Variants in SASH1 observed in about 807,000 individuals in gnomAD.
The protein encoded by SASH1 is SAM and SH3 domain containing 1.
Under a neutral mutation model 125.2 loss-of-function variants are expected in SASH1, and 44 were observed. The ratio of observed to expected loss-of-function variants is 0.35; its 90% CI spans 0.28 to 0.45. SASH1 has a LOEUF of 0.45. Among genes scored for constraint, SASH1 ranks in the 20% least tolerant of loss-of-function variants. The probability of loss-of-function intolerance (pLI) is 1.00; values close to 1 mark genes in which losing one functional copy is unlikely to be tolerated. For missense variants in SASH1, 1,426 were observed against 1,614.5 expected (o/e 0.88, Z 2.00); for synonymous variants, 639 against 649.1 (o/e 0.98, Z 0.24).
upstream of SASH1, among the ~76,000 whole-genome samples, chr6:148,341,385 C>T (rs1283341911): frequency 2.8e-5 from 4 of 140,894 alleles, no homozygotes; most frequent in African/African-American, 1.1e-4. Flanking sequence ...GTTGACCAGG[C>T]TGTTCTCAAA....
chr6:148,234,685 G>A, the SASH1 span, among the ~76,000 whole-genome samples: 3,635 of 152,148 alleles, frequency 0.024, 149 homozygotes, highest in African/African-American at 0.083. Flanking sequence ...AAATTAACCA[G>A]GCGTGGTGGC....
Position 148,495,963 on chromosome 6 carries a change from G to T in SASH1, c.729+8248G>T, listed in dbSNP as rs1779292270. Among the ~76,000 whole-genome samples, 1 of 151,756 alleles carries T rather than the reference G, an allele frequency of 6.6e-6. No individual in the cohort carries two copies. Among genetic ancestry groups the T allele is most frequent in the Non-Finnish European group, 1.5e-5 (1 of 68,004 alleles). ...CGATTCTCCTGCCTCAGCCTCCAGA[G>T]TAGCTGGGATTACAGGCGCACGCCA... On this transcript the variant is annotated intron_variant, in intron 8 of 19. Transcript: ENST00000367467. This position sits in a 1 kb window ranked among gnomAD's most constrained non-coding sequence, Gnocchi z 4.0.
At chr6:148,197,643 G>A in the SASH1 span, among the ~76,000 whole-genome samples, 2 of 152,148 alleles carry the variant, frequency 1.3e-5, no homozygotes, top group African/African-American at 2.4e-5. Flanking sequence ...CCTAGGATCT[G>A]TTCCTCAGCT....
chr6:148,343,136 C>G lies in SASH1; in HGVS notation c.69C>G (p.Pro23=). 6.3e-7 allele frequency: 1 copy of G among 1,596,892 alleles called. No homozygotes were observed. The highest frequency in any genetic ancestry group is 8.5e-7 in the Non-Finnish European group (1 of 1,178,048). Reference sequence around the variant, plus strand: ...CCGAGCCCGAGCCGGAGCCCGAGCCCGCGCCGGAGCCGGAACCGGAGCCCA... The same window carrying G: ...CCGAGCCCGAGCCGGAGCCCGAGCCGGCGCCGGAGCCGGAACCGGAGCCCA... ...PEPEPEPEPE[P]APEPEPEPKP... The change falls in exon 1 of 20, where the codon CCC becomes CCG. Residue 23 remains proline (P), a synonymous_variant. Coordinates refer to ENST00000367467, the MANE Select transcript of SASH1 (RefSeq NM_015278.5).
At chr6:148,294,358 C>CAAAT (rs1779709947) in intron 1 of SASH1, among the ~76,000 whole-genome samples, 3 of 152,178 alleles carry the variant, frequency 2.0e-5, no homozygotes, top group Non-Finnish European at 4.4e-5. Flanking sequence ...CAGAGTGGTA[C>CAAAT]AAATCCTGGA....
At chr6:148,193,863 C>G in the SASH1 span, among the ~76,000 whole-genome samples, 2 of 152,088 alleles carry the variant, frequency 1.3e-5, no homozygotes, top group Non-Finnish European at 2.9e-5. Flanking sequence ...CAGCTATGGG[C>G]ATGTAAGGCT....
chr6:148,485,383 C>T (rs1259972438), intron 7 of SASH1, among the ~76,000 whole-genome samples: 2 of 152,124 alleles, frequency 1.3e-5, no homozygotes, highest in Non-Finnish European at 2.9e-5. Flanking sequence ...TGATTAATAC[C>T]TCTAATACCC....
At chr6:148,408,035 C>CT (rs953886894) in intron 2 of SASH1, among the ~76,000 whole-genome samples, 2 of 151,676 alleles carry the variant, frequency 1.3e-5, no homozygotes, top group Admixed American at 6.6e-5. Context: ...CTTGCTAACA[C>CT]TTTTTTTTCC....
At chr6:148,396,431 C>A (rs1222999118) in intron 2 of SASH1, among the ~76,000 whole-genome samples, 2 of 125,790 alleles carry the variant, frequency 1.6e-5, no homozygotes, top group African/African-American at 6.2e-5. Flanking sequence ...GAGCCAAGAT[C>A]ATGCCGCTTT....
chr6:148,410,217 TCTC>T (rs1156670286), intron 2 of SASH1, among the ~76,000 whole-genome samples: 1 of 144,476 alleles, frequency 6.9e-6, no homozygotes, highest in African/African-American at 2.6e-5. Context: ...TTCAAGCAAT[TCTC>T]CTGCCTCAGC....
At chr6:148,432,638 G>A (rs541185385) in intron 2 of SASH1, among the ~76,000 whole-genome samples, 4 of 152,294 alleles carry the variant, frequency 2.6e-5, no homozygotes, top group African/African-American at 7.2e-5. Context: ...GCTGGTGGGC[G>A]CCTGGTATTC....
At chr6:148,370,469 A>G (rs1782664009) in intron 1 of SASH1, among the ~76,000 whole-genome samples, 1 of 152,244 alleles carries the variant, frequency 6.6e-6, no homozygotes, top group African/African-American at 2.4e-5. Context: ...TAACAGTGCC[A>G]TCTTGGTTTT....
chr6:148,367,223 C>T (rs985263183), intron 1 of SASH1, among the ~76,000 whole-genome samples: 3 of 152,158 alleles, frequency 2.0e-5, no homozygotes, highest in African/African-American at 7.2e-5. Flanking sequence ...CGCACCTGGC[C>T]ACAGTGTATC....
chr6:148,383,837 C>T (rs778906494), intron 1 of SASH1, among the ~76,000 whole-genome samples: 42 of 152,252 alleles, frequency 2.8e-4, no homozygotes, highest in South Asian at 6.2e-4. Context: ...GGAAACAGTG[C>T]TCTGTGTCTT....
chr6:148,368,238 G>A (rs1782554217), intron 1 of SASH1, among the ~76,000 whole-genome samples: 1 of 152,138 alleles, frequency 6.6e-6, no homozygotes, highest in South Asian at 2.1e-4. Context: ...AGATTTTGGA[G>A]TAGACAGGAA....
rs151051900 is a variant in SASH1, at chr6:148,541,332, T to A, written c.2209+776T>A. ...TTACTGAGCACCTACTAAAGCAAAC[T>A]TTTTTAAAACTTAATGCAGGTTGTA... On this transcript the variant is annotated intron_variant, in intron 17 of 19. Transcript: ENST00000367467. 2.0e-3 allele frequency among the ~76,000 whole-genome samples: 296 copies of A among 151,648 alleles called. 1 individual carries two copies. Among genetic ancestry groups the A allele is most frequent in the African/African-American group, 6.7e-3 (278 of 41,308 alleles).
intron 1 of SASH1, among the ~76,000 whole-genome samples, chr6:148,302,857 CAG>C (rs1381207369): frequency 6.7e-6 from 1 of 150,070 alleles, no homozygotes; most frequent in South Asian, 2.1e-4. Context: ...CACACACACA[CAG>C]AGAGAAAGAA....
At position 148,532,809 on chromosome 6, in the gene SASH1, T is replaced by C. The variant is rs1781601323; in HGVS notation, c.1577T>C (p.Val526Ala). Residue 526 changes from valine (V) to alanine (A), a missense_variant, in exon 14 of 20, where the codon GTG becomes GCG. Val to Ala is a moderately conservative substitution (Grantham distance 64). This residue lies in a region of SASH1 where 225 missense variants were observed against 344.5 expected (regional missense o/e 0.65). Coordinates refer to ENST00000367467, the MANE Select transcript of SASH1 (RefSeq NM_015278.5). This position sits in a 1 kb window ranked among gnomAD's most constrained non-coding sequence, Gnocchi z 4.7. ...GTTTCCTGTACAGGCGGTCAAACAG[T>C]GAGCACCACTGATTCCTCAACCAGC... ...SGQSSMSGQT[V>A]STTDSSTSNR... 1.9e-6 allele frequency: 3 copies of C among 1,614,166 alleles called. No homozygotes were observed. The highest frequency in any genetic ancestry group is 2.5e-6 in the Non-Finnish European group (3 of 1,180,026).
chr6:148,506,552 A>G (rs1227135108), intron 8 of SASH1, among the ~76,000 whole-genome samples: 1 of 152,208 alleles, frequency 6.6e-6, no homozygotes. Flanking sequence ...TCAGGTACGC[A>G]GTATTTAATA....
Sources: allele counts gnomAD v4.1 joint callset (sites outside exome capture counted in the v4.1 genomes callset), GRCh38; gene constraint gnomAD v4.1.1; regional missense constraint gnomAD v4.1.1; non-coding constraint Gnocchi (gnomAD v3.1); transcripts MANE v1.5; gene names NCBI Gene and HGNC (gene_info 2026-07-23, HGNC 2026-07-21).